The following ZC3H6 variants were observed in gnomAD, a reference collection of about 807,000 sequenced individuals.
ZC3H6 encodes zinc finger CCCH domain-containing protein 6.
ZC3H6 carries 40 observed loss-of-function variants against 107.7 expected under a neutral mutation model. The observed-to-expected ratio is 0.37, with a 90% CI of 0.29 to 0.48. The LOEUF is 0.48. ZC3H6 is among the 20% of genes least tolerant of loss of function. ZC3H6 has a pLI of 0.98. For missense variants in ZC3H6, 1,267 were observed against 1,410.4 expected (o/e 0.90, Z 1.63); for synonymous variants, 493 against 487.9 (o/e 1.01, Z -0.14).
intron 11 of ZC3H6, among the ~76,000 whole-genome samples, chr2:112,330,742 T>C (rs970062491): frequency 1.3e-5 from 2 of 152,148 alleles, no homozygotes; most frequent in Non-Finnish European, 2.9e-5. Context: ...CCCCACTTCC[T>C]TAATAGAGTA....
Position 112,331,064 on chromosome 2 carries a change from A to G in ZC3H6, c.2146A>G (p.Ile716Val). ...GGAAGAAGGAAGCAGTGTCAAATCA[A>G]TACTGAAAACATTACAGAAACAAAC... is the stretch of plus-strand genomic sequence containing the variant. ...EEEEGSSVKS[I>V]LKTLQKQTET... Residue 716 changes from isoleucine (I) to valine (V), a missense_variant, in exon 12 of 12, where the codon ATA (isoleucine) becomes GTA (valine). Coordinates refer to ENST00000409871, the MANE Select transcript of ZC3H6 (RefSeq NM_198581.3). 1 of 1,588,216 alleles carries G rather than the reference A, an allele frequency of 6.3e-7. No individual in the cohort carries two copies. Among genetic ancestry groups the G allele is most frequent in the East Asian group, 2.3e-5 (1 of 43,942 alleles).
At chr2:112,304,416 G>T (rs1013740211) in intron 3 of ZC3H6, among the ~76,000 whole-genome samples, 4 of 152,130 alleles carry the variant, frequency 2.6e-5, no homozygotes, top group Non-Finnish European at 4.4e-5. Context: ...AGCAGGGTTG[G>T]TTTCTTTTGA....
rs1676477608 is a variant in ZC3H6, at chr2:112,306,392, C to CA, written c.336+3044dup. Among the ~76,000 whole-genome samples, 5 of 152,220 alleles carry CA rather than the reference C, an allele frequency of 3.3e-5. No individual in the cohort carries two copies. In the South Asian group the frequency reaches 1.0e-3, roughly 32 times the overall value. ...TTCACCATGTTGGCCAGGCTGGTCT[C>CA]AAACTCCTGACCTCAGGTGATCTGC... is the stretch of plus-strand genomic sequence containing the variant. On this transcript the variant is annotated intron_variant, in intron 3 of 11. Transcript: ENST00000409871.
Position 112,339,833 on chromosome 2 carries a change from G to A in ZC3H6, c.*7345G>A, listed in dbSNP as rs896502776. On this transcript the variant is annotated 3_prime_UTR_variant, in exon 12 of 12. Coordinates refer to ENST00000409871, the MANE Select transcript of ZC3H6 (RefSeq NM_198581.3). ...GATATCAGTTTAGTAGATTAATGAC[G>A]TTGTTAATCTGTCTGCTCAAAAGAC... The A allele has an allele frequency of 7.3e-5, 11 of 151,634 alleles. No individual in the cohort carries two copies. Among genetic ancestry groups the A allele is most frequent in the South Asian group, 2.1e-4 (1 of 4,822 alleles). The allele number at this position is 151,634 out of a possible 1,614,324, so 9.4% of individuals were successfully genotyped here.
rs773630722 is a variant in ZC3H6, at chr2:112,276,011, A to C, written c.17A>C (p.His6Pro). 12 of 1,541,258 alleles carry C rather than the reference A, an allele frequency of 7.8e-6. No homozygotes were observed. Among genetic ancestry groups the C allele is most frequent in the Non-Finnish European group, 8.7e-7 (1 of 1,143,180 alleles). The part of the protein sequence containing the change: MTDSE[H>P]AGHDREDGEL... ...TGACCAAACATGACAGACTCTGAAC[A>C]TGCAGGGCACGACAGGTCGGGAACC... Residue 6 changes from histidine (H) to proline (P), a missense_variant, in exon 1 of 12, where the codon CAT becomes CCT. His to Pro is a moderately conservative substitution (Grantham distance 77). Coordinates refer to ENST00000409871, the MANE Select transcript of ZC3H6 (RefSeq NM_198581.3).
Position 112,322,772 on chromosome 2 carries a change from G to A in ZC3H6, c.1210G>A (p.Glu404Lys). The change falls in exon 9 of 12, where the codon GAG becomes AAG. Residue 404 changes from glutamate to lysine, a missense_variant. Glu to Lys is a moderately conservative substitution (Grantham distance 56, BLOSUM62 1). Coordinates refer to ENST00000409871, the MANE Select transcript of ZC3H6 (RefSeq NM_198581.3). ...GGTTGGGCTTCTGCCAACCCCTCCA[G>A]AGCATTTTCCCTTTTCTGATCCTGA... ...PGVGLLPTPP[E>K]HFPFSDPEDD... 9 of 1,613,930 alleles carry A rather than the reference G, an allele frequency of 5.6e-6. No individual in the cohort carries two copies. The highest frequency in any genetic ancestry group is 7.6e-6 in the Non-Finnish European group (9 of 1,179,876).
chr2:112,324,257 A>G lies in ZC3H6; in HGVS notation c.1446A>G (p.Gly482=). Residue 482 remains glycine, a synonymous_variant, in exon 10 of 12, where the codon GGA becomes GGG. Coordinates refer to ENST00000409871, the MANE Select transcript of ZC3H6 (RefSeq NM_198581.3). Reference sequence around the variant, plus strand: ...GTTCTGGGTCAAGTCCAGGTCCTGGACCTAACATGTCTCAGGGACACAGTA... The same window carrying G: ...GTTCTGGGTCAAGTCCAGGTCCTGGGCCTAACATGTCTCAGGGACACAGTA... ...IYSSGSSPGP[G]PNMSQGHSSP... 1 of 1,613,882 alleles carries G rather than the reference A, an allele frequency of 6.2e-7. No individual in the cohort carries two copies.
intron 1 of ZC3H6, among the ~76,000 whole-genome samples, chr2:112,285,836 C>T (rs1406503847): frequency 6.6e-6 from 1 of 152,050 alleles, no homozygotes; most frequent in Admixed American, 6.5e-5. Context: ...TGGCATGCGC[C>T]TGTAATCCCA....
chr2:112,326,593 T>A (rs1266756543), intron 11 of ZC3H6, among the ~76,000 whole-genome samples: 1 of 152,168 alleles, frequency 6.6e-6, no homozygotes, highest in Non-Finnish European at 1.5e-5. Flanking sequence ...TGCCACATTT[T>A]CTTTATCCAT....
At chr2:112,288,311 T>A (rs556972708) in intron 1 of ZC3H6, among the ~76,000 whole-genome samples, 27 of 152,334 alleles carry the variant, frequency 1.8e-4, no homozygotes, top group Middle Eastern at 3.4e-3. Flanking sequence ...ATTTGTAACC[T>A]TTCCCAGTTC....
At chr2:112,311,972 T>C (rs1676603771) in intron 5 of ZC3H6, 35 bp downstream of exon 5, 3 of 1,527,446 alleles carry the variant, frequency 2.0e-6, no homozygotes, top group Admixed American at 2.1e-5. Flanking sequence ...GGGGAGGAGC[T>C]TTTTCATCTT....
Position 112,331,769 on chromosome 2 carries a change from G to A in ZC3H6, c.2851G>A (p.Gly951Arg), listed in dbSNP as rs1238097917. 2.5e-6 allele frequency: 4 copies of A among 1,613,536 alleles called. No individual in the cohort carries two copies. Among genetic ancestry groups the A allele is most frequent in the Non-Finnish European group, 3.4e-6 (4 of 1,179,782 alleles). The change falls in exon 12 of 12, where the codon GGA (glycine) becomes AGA (arginine). Residue 951 changes from glycine (G) to arginine (R), a missense_variant. This residue lies in a region of ZC3H6 where 925 missense variants were observed against 1,025.7 expected (regional missense o/e 0.90). Transcript: ENST00000409871. ...CAGAGAAGGCTACCTAGAACAATTTGGAGACTCACACGGTTCAGGAGCTAA... is the reference window on the plus strand; with the variant it reads ...CAGAGAAGGCTACCTAGAACAATTTAGAGACTCACACGGTTCAGGAGCTAA... ...TNREGYLEQFGDSHGSGAKLG... is the reference protein window; with the variant it reads ...TNREGYLEQFRDSHGSGAKLG...
At chr2:112,303,063 A>G (rs1676413773) in intron 2 of ZC3H6, among the ~76,000 whole-genome samples, 166 bp from the exon 3 acceptor site, 1 of 152,096 alleles carries the variant, frequency 6.6e-6, no homozygotes, top group South Asian at 2.1e-4. Flanking sequence ...GCGAAGTTGG[A>G]ATGGTGGTGG....
rs555174229 is a variant in ZC3H6 at position 112,275,991 on chromosome 2, A to C, written c.-4A>C. On this transcript the variant is annotated 5_prime_UTR_variant, in exon 1 of 12. Transcript: ENST00000409871. ...CTCCAGCCCCGCCCCGTTCTTGACC[A>C]AACATGACAGACTCTGAACATGCAG... 20 of 1,538,636 alleles carry C rather than the reference A, an allele frequency of 1.3e-5. No individual in the cohort carries two copies. The highest frequency in any genetic ancestry group is 1.7e-5 in the Non-Finnish European group (19 of 1,142,062).
rs1677053659 is a variant in ZC3H6 at position 112,332,354 on chromosome 2, A to G, written c.3436A>G (p.Ser1146Gly). The G allele has an allele frequency of 1.2e-6, 2 of 1,613,954 alleles. No individual in the cohort carries two copies. Among genetic ancestry groups the G allele is most frequent in the African/African-American group, 2.7e-5 (2 of 75,064 alleles). ...AACAGGCTTAATTAGGCCACAGTACAGTGATCCAAGGCAGGCAAGGCAGCC... is the reference window on the plus strand; with the variant it reads ...AACAGGCTTAATTAGGCCACAGTACGGTGATCCAAGGCAGGCAAGGCAGCC... ...ALTGLIRPQY[S>G]DPRQARQPGQ... Residue 1146 changes from serine to glycine, a missense_variant, in exon 12 of 12, where the codon AGT becomes GGT. Physicochemically the swap from Ser to Gly is moderately conservative, Grantham distance 56. Around this residue, in one of 3 missense-constraint regions of ZC3H6, gnomAD observed 925 missense variants for 1,025.7 expected, o/e 0.90. Transcript: ENST00000409871.
At chr2:112,276,266 G>T (rs1033907725) in intron 1 of ZC3H6, among the ~76,000 whole-genome samples, 2 of 148,840 alleles carry the variant, frequency 1.3e-5, no homozygotes, top group African/African-American at 4.9e-5. Context: ...GCCCCCGGCC[G>T]GGCACGTGCG....
chr2:112,277,602 G>T (rs1039882696), intron 1 of ZC3H6, among the ~76,000 whole-genome samples: 1 of 152,134 alleles, frequency 6.6e-6, no homozygotes, highest in Non-Finnish European at 1.5e-5. Context: ...AAACTTTAAA[G>T]AATTATTTGT....
rs760040520 is a variant in ZC3H6 at position 112,331,858 on chromosome 2, G to A, written c.2940G>A (p.Glu980=). 2.1e-5 allele frequency: 34 copies of A among 1,613,748 alleles called. No individual in the cohort carries two copies. Among genetic ancestry groups the A allele is most frequent in the Non-Finnish European group, 2.6e-5 (31 of 1,179,878 alleles). The change falls in exon 12 of 12, where the codon GAG becomes GAA. Residue 980 remains glutamate, a synonymous_variant. Transcript: ENST00000409871. ...GGCTTCACAGACTGCCCAATACAGA[G>A]TCTCATCAAGTGGTTATGAAGGATT... ...DPRLHRLPNT[E]SHQVVMKDSH...
At chr2:112,299,638 A>G (rs1676330013) in intron 1 of ZC3H6, among the ~76,000 whole-genome samples, 1 of 152,238 alleles carries the variant, frequency 6.6e-6, no homozygotes, top group Admixed American at 6.5e-5. Flanking sequence ...TTCTTAAAGG[A>G]ATGTTAAATG....
Sources: gnomAD v4.1 joint callset for allele counts (sites outside exome capture counted in the v4.1 genomes callset) on GRCh38, gnomAD v4.1.1 for gene constraint, gnomAD v4.1.1 regional missense constraint, MANE v1.5 for transcripts, NCBI Gene and HGNC (gene_info 2026-07-23, HGNC 2026-07-21) for gene names.